Variants in ARHGAP18 observed in about 807,000 individuals in gnomAD.
ARHGAP18 encodes the protein Rho GTPase activating protein 18, also known as rho GTPase-activating protein 18.
Under a neutral mutation model 86.2 loss-of-function variants are expected in ARHGAP18, and 67 were observed. The observed-to-expected ratio is 0.78, with a 90% CI of 0.64 to 0.95. The LOEUF (loss-of-function observed/expected upper bound fraction) is 0.95, where lower values mean the gene tolerates loss of function less well. Ranked by LOEUF, ARHGAP18 falls within the 40% of genes least tolerant of loss-of-function variation. The pLI is 0.00. For synonymous variants in ARHGAP18, 283 were observed against 280.4 expected (o/e 1.01, Z -0.09); for missense variants, 691 against 780.4 (o/e 0.89, Z 1.37).
chr6:129,622,638 T>A lies in ARHGAP18; in HGVS notation c.787-3786A>T, dbSNP rs767066515. On this transcript the variant is annotated intron_variant, in intron 5 of 14. Coordinates refer to ENST00000368149, the MANE Select transcript of ARHGAP18 (RefSeq NM_033515.3). ...TTAGTTAATAGACTGAATGGTTCAG[T>A]TCATTGGCTAAGAGAAAGCAGTGAA... is the stretch of plus-strand genomic sequence containing the variant. 9.9e-5 allele frequency among the ~76,000 whole-genome samples: 15 copies of A among 152,276 alleles called. No homozygotes were observed. The East Asian group carries it at 2.7e-3, about 27-fold the overall frequency.
chr6:129,578,424 T>C lies in ARHGAP18; in HGVS notation c.*89A>G. 2.0e-6 allele frequency: 2 copies of C among 999,042 alleles called. No individual in the cohort carries two copies. Among genetic ancestry groups the C allele is most frequent in the East Asian group, 2.6e-5 (1 of 38,646 alleles). The allele number at this position is 999,042 out of a possible 1,614,324, so 61.9% of individuals were successfully genotyped here. Reference sequence around the variant, plus strand: ...AATACTTGGGTACAACTGAATAATATGAGTCCTGCCATTTCTTTTATTTAC... The same window carrying C: ...AATACTTGGGTACAACTGAATAATACGAGTCCTGCCATTTCTTTTATTTAC... On this transcript the variant is annotated 3_prime_UTR_variant, in exon 15 of 15. Transcript: ENST00000368149.
intron 1 of ARHGAP18, among the ~76,000 whole-genome samples, chr6:129,650,026 C>A (rs933770265): frequency 1.3e-5 from 2 of 150,850 alleles, no homozygotes; most frequent in Non-Finnish European, 2.9e-5. Flanking sequence ...TATTCTCCTG[C>A]CTCAGTCTCC....
intron 2 of ARHGAP18, 31 bp from the exon 3 acceptor site, chr6:129,638,660 T>C: frequency 6.3e-7 from 1 of 1,577,920 alleles, no homozygotes; most frequent in Non-Finnish European, 8.6e-7. Flanking sequence ...GGTACTTAAA[T>C]CACAAAATAT....
intron 9 of ARHGAP18, among the ~76,000 whole-genome samples, chr6:129,607,051 G>A (rs938628642): frequency 3.3e-5 from 5 of 151,836 alleles, no homozygotes; most frequent in African/African-American, 1.2e-4. Context: ...GTAGAAATGG[G>A]ATTTCACCAT....
chr6:129,596,430 T>G (rs1788617440), intron 12 of ARHGAP18, among the ~76,000 whole-genome samples: 1 of 152,170 alleles, frequency 6.6e-6, no homozygotes, highest in Admixed American at 6.5e-5. Context: ...CATCTCAACT[T>G]AATAGTGCCA....
intron 12 of ARHGAP18, among the ~76,000 whole-genome samples, chr6:129,594,872 CA>C (rs551841229): frequency 2.2e-4 from 33 of 152,138 alleles, no homozygotes; most frequent in Non-Finnish European, 4.4e-4. Flanking sequence ...TTTATAACAG[CA>C]GTAATCCATG....
At chr6:129,706,280 TTATAAA>T (rs769906882) in intron 1 of ARHGAP18, among the ~76,000 whole-genome samples, 5 of 152,164 alleles carry the variant, frequency 3.3e-5, no homozygotes, top group African/African-American at 4.8e-5. Context: ...AAACAAAGTC[TTATAAA>T]TATAGCTACT....
At chr6:129,584,236 C>A (rs1396093550) in intron 12 of ARHGAP18, 124 bp from the exon 13 acceptor site, 6 of 1,352,202 alleles carry the variant, frequency 4.4e-6, no homozygotes, top group African/African-American at 1.5e-5. Context: ...AAAACCTTAA[C>A]TACTGTATAA....
intron 1 of ARHGAP18, among the ~76,000 whole-genome samples, chr6:129,679,821 C>A (rs1468154221): frequency 1.3e-5 from 2 of 152,158 alleles, no homozygotes; most frequent in Non-Finnish European, 2.9e-5. Context: ...GAAATCTATT[C>A]TCTAAAAGTC....
chr6:129,656,622 C>T (rs12215240), intron 1 of ARHGAP18, among the ~76,000 whole-genome samples: 21,353 of 151,358 alleles, frequency 0.14, 1,629 homozygotes, highest in African/African-American at 0.2. Flanking sequence ...CCAGCCTGGG[C>T]GACAAAGCGA....
At chr6:129,631,187 TA>T (rs934891605) in intron 4 of ARHGAP18, among the ~76,000 whole-genome samples, 5 of 152,316 alleles carry the variant, frequency 3.3e-5, no homozygotes, top group South Asian at 4.1e-4. Context: ...GCCATTTTCT[TA>T]AATTAGAAGC....
At position 129,661,887 on chromosome 6, in the gene ARHGAP18, C is replaced by T. The variant is rs1372033144; in HGVS notation, c.114-19869G>A. The T allele has an allele frequency of 3.0e-6, 3 of 985,256 alleles. No homozygotes were observed. In the African/African-American group the frequency reaches 5.2e-5, roughly 17 times the overall value. The allele number at this position is 985,256 out of a possible 1,614,324, so 61.0% of individuals were successfully genotyped here. ...TGGAGTTTTGTTCAGAACCCAACAG[C>T]TGTTTAGAGCTGGTTTCAAGTCCAC... On this transcript the variant is annotated intron_variant, in intron 1 of 14. Transcript: ENST00000368149.
chr6:129,621,958 T>G (rs1789238314), intron 5 of ARHGAP18, among the ~76,000 whole-genome samples: 1 of 152,176 alleles, frequency 6.6e-6, no homozygotes. Flanking sequence ...TCTGTTCTAC[T>G]CCATTTTTCC....
intron 1 of ARHGAP18, among the ~76,000 whole-genome samples, chr6:129,676,915 C>CTT (rs10688716): frequency 0.011 from 399 of 37,870 alleles, 8 homozygotes; most frequent in Middle Eastern, 0.036. Flanking sequence ...TTTTTGTCCT[C>CTT]TTTTTTTTTT....
chr6:129,657,458 T>A (rs1043615513), intron 1 of ARHGAP18, among the ~76,000 whole-genome samples: 3 of 149,418 alleles, frequency 2.0e-5, no homozygotes, highest in Non-Finnish European at 4.4e-5. Context: ...ACTTAATACA[T>A]GTTGGGCCAG....
intron 3 of ARHGAP18, among the ~76,000 whole-genome samples, chr6:129,634,613 G>T (rs1384613258): frequency 2.6e-5 from 4 of 152,098 alleles, no homozygotes; most frequent in African/African-American, 9.7e-5. Flanking sequence ...ACCATAATAT[G>T]CAAACCACAG....
intron 8 of ARHGAP18, among the ~76,000 whole-genome samples, chr6:129,609,509 C>A (rs147420008): frequency 1.3e-5 from 2 of 152,170 alleles, no homozygotes; most frequent in East Asian, 3.9e-4. Context: ...AGTGAGGGCC[C>A]GAGTGCTTTG....
chr6:129,607,998 T>C lies in ARHGAP18; in HGVS notation c.1177A>G (p.Ser393Gly), dbSNP rs1326427764. ...CTGGCGGCATCATGCTGTTTGACAC[T>C]TTCCCAATTAAAAGTCCCTTCATAA... is the stretch of plus-strand genomic sequence containing the variant. ...KFYEGTFNWE[S>G]VKQHDAASLL... The change falls in exon 9 of 15, where the codon AGT (serine) becomes GGT (glycine). Residue 393 changes from serine to glycine, a missense_variant. By Grantham distance (56) the Ser-to-Gly change is moderately conservative (BLOSUM62 0). Transcript: ENST00000368149. The C allele has an allele frequency of 6.2e-7, 1 of 1,605,210 alleles. No homozygotes were observed. The highest frequency in any genetic ancestry group is 8.5e-7 in the Non-Finnish European group (1 of 1,175,460).
intron 1 of ARHGAP18, among the ~76,000 whole-genome samples, chr6:129,703,938 T>C (rs1035141602): frequency 2.6e-5 from 4 of 152,136 alleles, no homozygotes; most frequent in African/African-American, 9.7e-5. Context: ...AATTGCATTA[T>C]AAAAACTCAT....
Sources: gnomAD v4.1 joint callset for allele counts (sites outside exome capture counted in the v4.1 genomes callset) on GRCh38, gnomAD v4.1.1 for gene constraint, MANE v1.5 for transcripts, NCBI Gene and HGNC (gene_info 2026-07-23, HGNC 2026-07-21) for gene names.